The following PTCD2 variants were observed in gnomAD, a reference collection of about 807,000 sequenced individuals.
PTCD2 encodes the protein pentatricopeptide repeat-containing protein 2, mitochondrial.
In PTCD2, 31 loss-of-function variants were observed where a neutral mutation model predicts 42.6. The ratio of observed to expected loss-of-function variants is 0.73; its 90% CI spans 0.55 to 0.98. The LOEUF (loss-of-function observed/expected upper bound fraction) is 0.98. PTCD2 is among the 50% of genes least tolerant of loss of function. The pLI, the probability that PTCD2 is intolerant of heterozygous loss-of-function variation, is 0.00. For missense variants in PTCD2, 476 were observed against 454.8 expected (o/e 1.05, Z -0.42); for synonymous variants, 183 against 170.9 (o/e 1.07, Z -0.55).
chr5:72,342,130 T>C (rs942264894), intron 7 of PTCD2, among the ~76,000 whole-genome samples: 3 of 152,056 alleles, frequency 2.0e-5, no homozygotes, highest in Admixed American at 6.5e-5. Flanking sequence ...GACCGGTCAT[T>C]TGTAGATTCA....
chr5:72,344,252 A>T (rs1388784769), intron 8 of PTCD2, among the ~76,000 whole-genome samples: 1 of 152,062 alleles, frequency 6.6e-6, no homozygotes, highest in Non-Finnish European at 1.5e-5. Flanking sequence ...GGTGGCTCAC[A>T]CCTGTAATCC....
intron 9 of PTCD2, among the ~76,000 whole-genome samples, chr5:72,357,338 T>C (rs1284431151): frequency 6.6e-6 from 1 of 152,198 alleles, no homozygotes; most frequent in Non-Finnish European, 1.5e-5. Context: ...ATAAGTCCTT[T>C]CAGTGTAAAC....
At chr5:72,343,536 T>G (rs900715578) in intron 8 of PTCD2, among the ~76,000 whole-genome samples, 1 of 152,236 alleles carries the variant, frequency 6.6e-6, no homozygotes, top group Non-Finnish European at 1.5e-5. Context: ...ATTGTCATTC[T>G]TATTATGTTG....
At chr5:72,355,697 ATC>A (rs1752842784) in intron 9 of PTCD2, among the ~76,000 whole-genome samples, 1 of 152,226 alleles carries the variant, frequency 6.6e-6, no homozygotes, top group Non-Finnish European at 1.5e-5. Context: ...TAATTTGTGT[ATC>A]TCTCATAGCA....
chr5:72,337,707 C>T (rs1751827185), intron 6 of PTCD2, among the ~76,000 whole-genome samples: 1 of 152,116 alleles, frequency 6.6e-6, no homozygotes, highest in Admixed American at 6.6e-5. Flanking sequence ...GCAGGAGAAT[C>T]GTTTGAACTG....
At chr5:72,342,447 T>C (rs929667169) in intron 7 of PTCD2, among the ~76,000 whole-genome samples, 3 of 152,242 alleles carry the variant, frequency 2.0e-5, no homozygotes, top group Non-Finnish European at 4.4e-5. Context: ...CTCATCATTG[T>C]AAATAGGAAT....
rs377667078 is a variant in PTCD2 at position 72,335,220 on chromosome 5, C to T, written c.547+124C>T. ...ATCCCAGCACTTTGGGAGGCTGAGG[C>T]GGGTGGATCATGAGGTCAGGAGATC... is the stretch of plus-strand genomic sequence containing the variant. On this transcript the variant is annotated intron_variant, in intron 5 of 9. Transcript: ENST00000380639. 15 of 560,542 alleles carry T rather than the reference C, an allele frequency of 2.7e-5. No homozygotes were observed. In the Middle Eastern group the frequency reaches 9.4e-4, roughly 35 times the overall value. The allele number at this position is 560,542 out of a possible 1,614,324, so 34.7% of individuals were successfully genotyped here. A position where few individuals can be genotyped will look rare whatever the true frequency, so the allele number is the denominator to read the frequency against.
intron 1 of PTCD2, among the ~76,000 whole-genome samples, chr5:72,321,927 C>T (rs1268290630): frequency 6.6e-6 from 1 of 152,278 alleles, no homozygotes; most frequent in East Asian, 1.9e-4. Context: ...TCACTAGCTA[C>T]GGTTAATCAC....
chr5:72,363,934 A>G lies in PTCD2; in HGVS notation c.*5507A>G, dbSNP rs1753146358. Reference sequence around the variant, plus strand: ...GATTCAGAGAAATTACACTTCATAGATAAACTAGCCATAAAAAAGATTACA... The same window carrying G: ...GATTCAGAGAAATTACACTTCATAGGTAAACTAGCCATAAAAAAGATTACA... On this transcript the variant is annotated 3_prime_UTR_variant, in exon 10 of 10. Transcript: ENST00000380639. 6.6e-6 allele frequency: 1 copy of G among 152,204 alleles called. No individual in the cohort carries two copies. The highest frequency in any genetic ancestry group is 6.5e-5 in the Admixed American group (1 of 15,280). The allele number at this position is 152,204 out of a possible 1,614,324, so 9.4% of individuals were successfully genotyped here.
At chr5:72,334,486 A>G (rs1420571599) in intron 4 of PTCD2, among the ~76,000 whole-genome samples, 5 of 152,154 alleles carry the variant, frequency 3.3e-5, no homozygotes, top group African/African-American at 7.2e-5. Flanking sequence ...TATGAAACCC[A>G]GAGATCTCTT....
At position 72,368,222 on chromosome 5, in the gene PTCD2, A is replaced by G. The variant is rs1753245030; in HGVS notation, c.*9795A>G. 6.6e-6 allele frequency: 1 copy of G among 152,204 alleles called. No individual in the cohort carries two copies. Among genetic ancestry groups the G allele is most frequent in the Non-Finnish European group, 1.5e-5 (1 of 68,044 alleles). 9.4% of individuals were successfully genotyped at this position (152,204 alleles called of 1,614,324 possible). A position where few individuals can be genotyped will look rare whatever the true frequency, so the allele number is the denominator to read the frequency against. Reference sequence around the variant, plus strand: ...AGAGTGTGGGACAAAGACAACCAGCACATTGCTAAGCCCAAGTAGCAAATT... The same window carrying G: ...AGAGTGTGGGACAAAGACAACCAGCGCATTGCTAAGCCCAAGTAGCAAATT... On this transcript the variant is annotated 3_prime_UTR_variant, in exon 10 of 10. Transcript: ENST00000380639.
At chr5:72,339,081 A>T (rs1751910396) in intron 7 of PTCD2, among the ~76,000 whole-genome samples, 1 of 152,256 alleles carries the variant, frequency 6.6e-6, no homozygotes, top group South Asian at 2.1e-4. Flanking sequence ...ATGAATGAGG[A>T]CTGCTGTGTC....
chr5:72,361,141 G>A lies in PTCD2; in HGVS notation c.*2714G>A, dbSNP rs1753086559. On this transcript the variant is annotated 3_prime_UTR_variant, in exon 10 of 10. Transcript: ENST00000380639. ...ATGAGTTCAGCACAGTTACTAGAAG[G>A]AGACAAAAAGATATCTTCTTAATTA... 6.6e-6 allele frequency: 1 copy of A among 152,154 alleles called. No individual in the cohort carries two copies. The highest frequency in any genetic ancestry group is 1.5e-5 in the Non-Finnish European group (1 of 68,020). The allele number at this position is 152,154 out of a possible 1,614,324, so 9.4% of individuals were successfully genotyped here. A position where few individuals can be genotyped will look rare whatever the true frequency, so the allele number is the denominator to read the frequency against.
chr5:72,326,152 A>G (rs189754309), intron 2 of PTCD2, among the ~76,000 whole-genome samples: 6 of 152,334 alleles, frequency 3.9e-5, no homozygotes. Context: ...GGACAAACCT[A>G]CCTTCAACTC....
At chr5:72,337,491 C>A (rs558945893) in intron 6 of PTCD2, among the ~76,000 whole-genome samples, 2 of 152,140 alleles carry the variant, frequency 1.3e-5, no homozygotes, top group South Asian at 4.1e-4. Flanking sequence ...ACTGCAATGA[C>A]GAGAATTTCA....
At chr5:72,337,594 G>A (rs907470884) in intron 6 of PTCD2, among the ~76,000 whole-genome samples, 2 of 152,050 alleles carry the variant, frequency 1.3e-5, no homozygotes, top group Admixed American at 6.5e-5. Flanking sequence ...TCAGGAGTTC[G>A]AGACCAGCCT....
intron 8 of PTCD2, among the ~76,000 whole-genome samples, chr5:72,349,677 CCT>C (rs1752525600): frequency 6.6e-6 from 1 of 152,112 alleles, no homozygotes; most frequent in Non-Finnish European, 1.5e-5. Context: ...CAAAATTTCC[CCT>C]GTTCCTTACC....
chr5:72,344,438 G>A (rs1029086895), intron 8 of PTCD2, among the ~76,000 whole-genome samples: 7 of 152,100 alleles, frequency 4.6e-5, no homozygotes, highest in Admixed American at 4.6e-4. Flanking sequence ...GCTTGAATCT[G>A]GGAGGCAGAG....
Position 72,326,666 on chromosome 5 carries a change from A to G in PTCD2, c.275A>G (p.Lys92Arg). ...KKLTQNKLIL[K>R]GELITLLHLC... ...CTGACCCAGAACAAGCTCATCTTGA[A>G]GGGGGAGTTGATAACCTTACTACAT... Residue 92 changes from lysine to arginine, a missense_variant, in exon 3 of 10, where the codon AAG becomes AGG. By Grantham distance (26) the Lys-to-Arg change is conservative (BLOSUM62 2). Coordinates refer to ENST00000380639, the MANE Select transcript of PTCD2 (RefSeq NM_024754.5). The G allele has an allele frequency of 6.2e-7, 1 of 1,614,178 alleles. No individual in the cohort carries two copies. The highest frequency in any genetic ancestry group is 8.5e-7 in the Non-Finnish European group (1 of 1,179,978).
Sources: gnomAD v4.1 joint callset for allele counts (sites outside exome capture counted in the v4.1 genomes callset) on GRCh38, gnomAD v4.1.1 for gene constraint, MANE v1.5 for transcripts, NCBI Gene and HGNC (gene_info 2026-07-23, HGNC 2026-07-21) for gene names.